Variants in DHX57 observed in about 807,000 individuals in gnomAD.
The protein encoded by DHX57 is putative ATP-dependent RNA helicase DHX57.
A neutral mutation model predicts 156.2 loss-of-function variants in DHX57; 105 were observed. The observed-to-expected ratio is 0.67, with a 90% CI of 0.57 to 0.79. DHX57 has a LOEUF of 0.79. Among genes scored for constraint, DHX57 ranks in the 30% least tolerant of loss-of-function variants. The pLI is 0.00. For missense variants in DHX57, 1,847 were observed against 1,661.9 expected (o/e 1.11, Z -1.94); for synonymous variants, 704 against 595.6 (o/e 1.18, Z -2.65).
chr2:38,863,231 G>T, intron 3 of DHX57, 130 bp downstream of exon 3: 3 of 931,190 alleles, frequency 3.2e-6, no homozygotes, highest in South Asian at 2.1e-5. Context: ...ATTACTCTTG[G>T]CTCACTTTCA....
At chr2:38,856,503 CTTTTT>C (rs372510406) in intron 6 of DHX57, 42 bp from the exon 7 acceptor site, 1,131 of 1,386,360 alleles carry the variant, frequency 8.2e-4, no homozygotes, top group East Asian at 2.3e-3. Context: ...GTTACTTTTT[CTTTTT>C]TTTTTTTTTT....
chr2:38,799,562 C>G lies in DHX57; in HGVS notation c.4018-1120G>C, dbSNP rs549298780. ...AGGTGGAAGTTCGAGACCAGCTTGA[C>G]CAACATGGAGAAACCCCATCTCTAC... On this transcript the variant is annotated intron_variant, in intron 23 of 23. Transcript: ENST00000457308. 2.1e-3 allele frequency among the ~76,000 whole-genome samples: 318 copies of G among 150,112 alleles called. 3 individuals are homozygous for G. Among genetic ancestry groups the G allele is most frequent in the African/African-American group, 7.5e-3 (304 of 40,794 alleles).
In DHX57 at chr2:38,803,114, A is replaced by G. The variant is rs548596446; in HGVS notation, c.3817-199T>C. The G allele has an allele frequency of 2.4e-4, 136 of 568,156 alleles. No individual in the cohort carries two copies. The South Asian group carries it at 3.1e-3, about 13-fold the overall frequency. 35.2% of individuals were successfully genotyped at this position (568,156 alleles called of 1,614,324 possible). A position where few individuals can be genotyped will look rare whatever the true frequency, so the allele number is the denominator to read the frequency against. On this transcript the variant is annotated intron_variant, in intron 22 of 23. Transcript: ENST00000457308. ...CTTGGACATTTAATACATATCTCAC[A>G]CTTGTGTTTAAAAAAAAAAAAGCTT...
intron 21 of DHX57, among the ~76,000 whole-genome samples, chr2:38,807,922 A>G (rs1195829157): frequency 4.4e-5 from 6 of 136,784 alleles, no homozygotes; most frequent in Non-Finnish European, 9.1e-5. Flanking sequence ...CTGGGATTAC[A>G]GGCGTGAGCC....
At chr2:38,817,286 G>A (rs1303893402) in intron 19 of DHX57, among the ~76,000 whole-genome samples, 1 of 151,916 alleles carries the variant, frequency 6.6e-6, no homozygotes, top group Non-Finnish European at 1.5e-5. Context: ...CATTATTTTG[G>A]CTTCTCATAC....
At position 38,798,394 on chromosome 2, in the gene DHX57, G is replaced by A; in HGVS notation, c.4066C>T (p.Gln1356Ter). The change falls in exon 24 of 24, where the codon CAG (glutamine) becomes TAG (stop). Residue 1356 changes from glutamine (Q) to a stop codon, truncating the protein, a stop_gained. Coordinates refer to ENST00000457308, the MANE Select transcript of DHX57 (RefSeq NM_198963.3). LOFTEE classifies it high-confidence loss of function. ...ATGCTTGGGTTTTTAATTTTATCCTGGAGAAGCTGATCAAGTTCGCAACGA... is the reference window on the plus strand; with the variant it reads ...ATGCTTGGGTTTTTAATTTTATCCTAGAGAAGCTGATCAAGTTCGCAACGA... ...ELRCELDQLLQDKIKNPSIDL... is the reference protein window; with the variant it reads ...ELRCELDQLL 6.2e-7 allele frequency: 1 copy of A among 1,613,960 alleles called. No individual in the cohort carries two copies. The highest frequency in any genetic ancestry group is 8.5e-7 in the Non-Finnish European group (1 of 1,179,954).
chr2:38,829,913 G>C (rs931002977), intron 13 of DHX57, among the ~76,000 whole-genome samples: 5 of 152,168 alleles, frequency 3.3e-5, no homozygotes, highest in Non-Finnish European at 7.3e-5. Flanking sequence ...CATGTTAACA[G>C]TTTATGGGCT....
At chr2:38,811,242 C>A in intron 21 of DHX57, 1 of 503,624 alleles carries the variant, frequency 2.0e-6, no homozygotes, top group South Asian at 1.7e-5. Flanking sequence ...GGGATCCTCC[C>A]GGGAGCAATG....
chr2:38,839,660 G>A (rs939935719), intron 12 of DHX57, among the ~76,000 whole-genome samples: 3 of 151,634 alleles, frequency 2.0e-5, no homozygotes, highest in Admixed American at 2.0e-4. Flanking sequence ...GGCGGAGGTT[G>A]TGGTAAGCTG....
In DHX57 at chr2:38,798,181, C is replaced by T. The variant is rs1032768568; in HGVS notation, c.*118G>A. 12 of 1,401,744 alleles carry T rather than the reference C, an allele frequency of 8.6e-6. No homozygotes were observed. The highest frequency in any genetic ancestry group is 1.1e-5 in the Non-Finnish European group (11 of 1,036,918). 86.8% of individuals were successfully genotyped at this position (1,401,744 alleles called of 1,614,324 possible). On this transcript the variant is annotated 3_prime_UTR_variant, in exon 24 of 24. Transcript: ENST00000457308. ...CCTCAGCTGCCTTGGGCTTCATGCC[C>T]TGGGCTCCTCCACCAGGGCCAGCCC...
At chr2:38,868,860 CG>C (rs1208103062) in intron 1 of DHX57, among the ~76,000 whole-genome samples, 1 of 151,868 alleles carries the variant, frequency 6.6e-6, no homozygotes, top group Non-Finnish European at 1.5e-5. Flanking sequence ...TCGCCCAGGC[CG>C]GATGATCTCA....
chr2:38,817,088 G>A (rs951251710), intron 19 of DHX57, among the ~76,000 whole-genome samples: 3 of 152,000 alleles, frequency 2.0e-5, no homozygotes, highest in Admixed American at 6.6e-5. Context: ...GCACCATCAC[G>A]CCTGGCTAAT....
intron 21 of DHX57, among the ~76,000 whole-genome samples, chr2:38,813,033 A>G (rs1670351447): frequency 6.6e-6 from 1 of 151,778 alleles, no homozygotes; most frequent in Admixed American, 6.6e-5. Flanking sequence ...TTTTTAGTAG[A>G]TACAGGGTTT....
intron 22 of DHX57, chr2:38,806,254 C>T (rs1669930857): frequency 7.3e-6 from 2 of 273,858 alleles, no homozygotes; most frequent in Non-Finnish European, 1.4e-5. Context: ...TCATTCATTT[C>T]CTTTTAAGGC....
At position 38,830,957 on chromosome 2, in the gene DHX57, C is replaced by T. The variant is rs1024241066; in HGVS notation, c.2543-2521G>A. ...AAAAAATTAAAAATTTAGTAGGGCTCGAGAGGCTGAGGGAGGTTGTAGGAT... is the reference window on the plus strand; with the variant it reads ...AAAAAATTAAAAATTTAGTAGGGCTTGAGAGGCTGAGGGAGGTTGTAGGAT... On this transcript the variant is annotated intron_variant, in intron 13 of 23. Transcript: ENST00000457308. 5.9e-5 allele frequency among the ~76,000 whole-genome samples: 9 copies of T among 151,732 alleles called. No homozygotes were observed. The South Asian group carries it at 1.0e-3, about 18-fold the overall frequency.
Position 38,815,536 on chromosome 2 carries a change from A to G in DHX57, c.3591T>C (p.Asp1197=). The change falls in exon 20 of 24, where the codon GAT becomes GAC. Residue 1197 remains aspartate (D), a synonymous_variant. Transcript: ENST00000457308. ...CATTCTTTACCTCTTCTCCTGTGGC[A>G]TCTAAGACACCATCTCCTCCTTGGG... ...KRAQGGDGVL[D]ATGEEANSNA... 1 of 1,614,120 alleles carries G rather than the reference A, an allele frequency of 6.2e-7. No homozygotes were observed. Among genetic ancestry groups the G allele is most frequent in the Non-Finnish European group, 8.5e-7 (1 of 1,179,998 alleles).
At chr2:38,856,482 A>G (rs1360001032) in intron 6 of DHX57, 21 bp from the exon 7 acceptor site, 1 of 1,571,998 alleles carries the variant, frequency 6.4e-7, no homozygotes, top group Non-Finnish European at 8.6e-7. Context: ...CAAAGATAAG[A>G]TATCAGTTGG....
rs564988469 is a variant in DHX57, at chr2:38,864,628, T to C, written c.225-1109A>G. On this transcript the variant is annotated intron_variant, in intron 2 of 23. Coordinates refer to ENST00000457308, the MANE Select transcript of DHX57 (RefSeq NM_198963.3). Reference sequence around the variant, plus strand: ...CTAAATCACTGGTTTTTCATTCTTCTTTGGATCATTCCCATCAGCATACAG... The same window carrying C: ...CTAAATCACTGGTTTTTCATTCTTCCTTGGATCATTCCCATCAGCATACAG... 1.2e-4 allele frequency among the ~76,000 whole-genome samples: 19 copies of C among 152,284 alleles called. No individual in the cohort carries two copies. The South Asian group carries it at 3.7e-3, about 30-fold the overall frequency.
At chr2:38,818,246 G>A (rs1345452100) in intron 19 of DHX57, among the ~76,000 whole-genome samples, 1 of 152,104 alleles carries the variant, frequency 6.6e-6, no homozygotes, top group Admixed American at 6.6e-5. Flanking sequence ...GCCTGGTGTA[G>A]CCCGGTGTGG....
Sources: allele counts gnomAD v4.1 joint callset (sites outside exome capture counted in the v4.1 genomes callset), GRCh38; gene constraint gnomAD v4.1.1; transcripts MANE v1.5; gene names NCBI Gene and HGNC (gene_info 2026-07-23, HGNC 2026-07-21).